Variants in APPL2 observed in about 807,000 individuals in gnomAD.
The protein encoded by APPL2 is adaptor protein, phosphotyrosine interacting with PH domain and leucine zipper 2, also known as DCC-interacting protein 13-beta.
Under a neutral mutation model 92.7 loss-of-function variants are expected in APPL2, and 84 were observed. The observed-to-expected ratio is 0.91, with a 90% CI of 0.76 to 1.09. The LOEUF (loss-of-function observed/expected upper bound fraction) is 1.09, where lower values mean the gene tolerates loss of function less well. APPL2 is among the 50% of genes least tolerant of loss of function. The pLI, the probability that APPL2 is intolerant of heterozygous loss-of-function variation, is 0.00. For synonymous variants in APPL2, 291 were observed against 291.0 expected (o/e 1.00, Z 0.00); for missense variants, 736 against 824.5 (o/e 0.89, Z 1.31).
intron 18 of APPL2, 79 bp downstream of exon 18, chr12:105,177,147 G>C: frequency 6.3e-7 from 1 of 1,596,946 alleles, no homozygotes. Flanking sequence ...TATTAATAAA[G>C]TGCCTAGGCT....
At chr12:105,234,087 C>T (rs1257299010) in intron 1 of APPL2, among the ~76,000 whole-genome samples, 1 of 152,192 alleles carries the variant, frequency 6.6e-6, no homozygotes, top group African/African-American at 2.4e-5. Context: ...TTCTGCACAA[C>T]AGCACCATCA....
At chr12:105,186,656 C>G (rs1397852666) in intron 17 of APPL2, among the ~76,000 whole-genome samples, 42 of 47,686 alleles carry the variant, frequency 8.8e-4, no homozygotes, top group East Asian at 2.4e-3. Flanking sequence ...ATATCGATAT[C>G]ATATATATCA....
At chr12:105,178,708 CTG>C (rs1364417417) in intron 17 of APPL2, among the ~76,000 whole-genome samples, 4 of 152,312 alleles carry the variant, frequency 2.6e-5, no homozygotes, top group African/African-American at 4.8e-5. Flanking sequence ...ATCTGTAAAA[CTG>C]TGGTAAGAAC....
intron 14 of APPL2, among the ~76,000 whole-genome samples, chr12:105,192,902 A>G (rs549209742): frequency 1.3e-5 from 2 of 152,362 alleles, no homozygotes; most frequent in African/African-American, 2.4e-5. Flanking sequence ...AAGTCCACAC[A>G]TGGTACTTGC....
chr12:105,200,858 A>G (rs1254061789), intron 9 of APPL2, among the ~76,000 whole-genome samples: 1 of 131,936 alleles, frequency 7.6e-6, no homozygotes, highest in African/African-American at 3.2e-5. Context: ...GTATGTATGT[A>G]TGTATGTATC....
chr12:105,195,163 CAT>C, intron 14 of APPL2, 96 bp downstream of exon 14: 1 of 1,217,922 alleles, frequency 8.2e-7, no homozygotes, highest in East Asian at 2.4e-5. Context: ...GGCTGAAAAA[CAT>C]GCCTTGGTTT....
intron 2 of APPL2, among the ~76,000 whole-genome samples, chr12:105,218,382 C>T (rs1467524003): frequency 2.0e-5 from 3 of 152,116 alleles, no homozygotes; most frequent in Non-Finnish European, 2.9e-5. Context: ...AGTCCCTGTC[C>T]TCATGGGGCT....
At chr12:105,181,509 T>G (rs1886112846) in intron 17 of APPL2, among the ~76,000 whole-genome samples, 1 of 152,218 alleles carries the variant, frequency 6.6e-6, no homozygotes, top group Non-Finnish European at 1.5e-5. Flanking sequence ...CTTTTTCTAT[T>G]GTTTGGAATA....
chr12:105,229,041 C>T (rs747341885), intron 2 of APPL2, 84 bp downstream of exon 2: 5 of 1,197,586 alleles, frequency 4.2e-6, no homozygotes, highest in Admixed American at 2.6e-5. Flanking sequence ...TTTCGGATTC[C>T]AATTTCTCAA....
At chr12:105,214,523 A>C (rs916995802) in intron 4 of APPL2, among the ~76,000 whole-genome samples, 33 of 152,272 alleles carry the variant, frequency 2.2e-4, no homozygotes, top group African/African-American at 6.5e-4. Flanking sequence ...CATCTGAGAG[A>C]GAGCCACGCA....
intron 2 of APPL2, 120 bp from the exon 3 acceptor site, chr12:105,217,845 A>G (rs1313876037): frequency 4.8e-6 from 4 of 841,346 alleles, no homozygotes; most frequent in African/African-American, 1.7e-5. Flanking sequence ...GTGCACACCT[A>G]TAATCCTAGT....
chr12:105,201,266 T>C (rs1445235582), intron 9 of APPL2, among the ~76,000 whole-genome samples: 1 of 152,198 alleles, frequency 6.6e-6, no homozygotes, highest in Non-Finnish European at 1.5e-5. Context: ...ACTGGGATGA[T>C]GAGGGACTCT....
chr12:105,229,247 T>C (rs1269196695), intron 1 of APPL2, 24 bp from the exon 2 acceptor site: 3 of 1,594,202 alleles, frequency 1.9e-6, no homozygotes, highest in South Asian at 2.3e-5. Flanking sequence ...AGAAAAAAGG[T>C]CAATTTCATT....
intron 2 of APPL2, among the ~76,000 whole-genome samples, chr12:105,224,161 C>T (rs1056654911): frequency 1.3e-5 from 2 of 152,162 alleles, no homozygotes; most frequent in Non-Finnish European, 2.9e-5. Context: ...TCTAAGAAGT[C>T]ATTACCAAGA....
At chr12:105,182,673 C>T (rs368701812) in intron 17 of APPL2, among the ~76,000 whole-genome samples, 2 of 152,006 alleles carry the variant, frequency 1.3e-5, no homozygotes, top group Non-Finnish European at 2.9e-5. Context: ...ATTTTACTTC[C>T]GATTATGTGG....
intron 1 of APPL2, among the ~76,000 whole-genome samples, chr12:105,230,557 G>A (rs925549837): frequency 6.6e-6 from 1 of 152,118 alleles, no homozygotes; most frequent in Admixed American, 6.5e-5. Flanking sequence ...ACTCACTAAG[G>A]CTCATTATTT....
chr12:105,203,372 G>A (rs1888394454), intron 9 of APPL2: 2 of 283,358 alleles, frequency 7.1e-6, no homozygotes, highest in Non-Finnish European at 1.3e-5. Context: ...CCTGAAAAGT[G>A]ACAGCACTTC....
intron 5 of APPL2, among the ~76,000 whole-genome samples, chr12:105,210,528 C>T (rs7971630): frequency 0.13 from 19,989 of 152,038 alleles, 1,520 homozygotes; most frequent in African/African-American, 0.22. Flanking sequence ...CTAACATCAG[C>T]GAAGTTTTTT....
At chr12:105,230,922 G>A (rs1025552752) in intron 1 of APPL2, among the ~76,000 whole-genome samples, 13 of 152,142 alleles carry the variant, frequency 8.5e-5, no homozygotes, top group Middle Eastern at 3.2e-3. Context: ...CACAGAATTT[G>A]TACAGTGTAT....
Sources: gnomAD v4.1 joint callset for allele counts (sites outside exome capture counted in the v4.1 genomes callset) on GRCh38, gnomAD v4.1.1 for gene constraint, MANE v1.5 for transcripts, NCBI Gene and HGNC (gene_info 2026-07-23, HGNC 2026-07-21) for gene names.